FRMD6: variants seen among roughly 807,000 people sequenced by gnomAD.
FRMD6 encodes the protein FERM domain containing 6, also known as FERM domain-containing protein 6.
A neutral mutation model predicts 73.2 loss-of-function variants in FRMD6; 37 were observed. The observed-to-expected ratio is 0.51, with a 90% confidence interval of 0.39 to 0.66. The LOEUF is 0.66. FRMD6 is among the 30% of genes least tolerant of loss of function. FRMD6 has a pLI of 0.00. For missense variants in FRMD6, 714 were observed against 780.5 expected, an observed-to-expected ratio of 0.91 and a Z score of 1.02; for synonymous variants, 273 against 282.2, an observed-to-expected ratio of 0.97 and a Z score of 0.33.
intron 1 of FRMD6, among the ~76,000 whole-genome samples, chr14:51,567,873 T>G (rs10873050): frequency 6.6e-6 from 1 of 152,080 alleles, no homozygotes; most frequent in African/African-American, 2.4e-5. Context: ...CTTTTATAGC[T>G]ATCTCAAAGC....
intron 1 of FRMD6, among the ~76,000 whole-genome samples, chr14:51,540,275 C>T (rs2139365995): frequency 6.6e-6 from 1 of 152,248 alleles, no homozygotes; most frequent in South Asian, 2.1e-4. Flanking sequence ...TCTTGGAATC[C>T]ATGTTCCAGT....
intron 2 of FRMD6, among the ~76,000 whole-genome samples, chr14:51,596,382 TG>T (rs5808622): frequency 0.012 from 1,798 of 152,170 alleles, 16 homozygotes; most frequent in South Asian, 0.036. Context: ...CGTGTAAGCC[TG>T]AGGTTGGGAG....
At chr14:51,688,664 A>G (rs1483154200) in intron 1 of FRMD6, among the ~76,000 whole-genome samples, 2 of 152,212 alleles carry the variant, frequency 1.3e-5, no homozygotes, top group African/African-American at 2.4e-5. Context: ...GAATAATATA[A>G]ATACTAATGG....
chr14:51,581,339 T>C, intron 2 of FRMD6, among the ~76,000 whole-genome samples: 1 of 152,208 alleles, frequency 6.6e-6, no homozygotes, highest in East Asian at 1.9e-4. Flanking sequence ...TCTGGAGCGC[T>C]TGAGGTAGAT....
At chr14:51,437,333 C>G in the FRMD6 span, among the ~76,000 whole-genome samples, 152 of 152,282 alleles carry the variant, frequency 1.0e-3, no homozygotes, top group Middle Eastern at 3.4e-3. Flanking sequence ...GATGGAGTCT[C>G]GCTCTGTCGC....
intron 2 of FRMD6, among the ~76,000 whole-genome samples, chr14:51,572,131 C>T (rs964564436): frequency 6.6e-6 from 1 of 152,254 alleles, no homozygotes; most frequent in Non-Finnish European, 1.5e-5. Context: ...TATGGAAAAG[C>T]ATCATTCATA....
chr14:51,652,790 G>A (rs1308143216), intron 1 of FRMD6, among the ~76,000 whole-genome samples: 1 of 152,244 alleles, frequency 6.6e-6, no homozygotes, highest in East Asian at 1.9e-4. Context: ...GGCACTGTCA[G>A]GTATGGACAG....
chr14:51,482,572 A>C, the FRMD6 span, among the ~76,000 whole-genome samples: 2 of 152,136 alleles, frequency 1.3e-5, no homozygotes, highest in Non-Finnish European at 2.9e-5. Context: ...AAGCCGCAAA[A>C]ATTCTTAAAG....
chr14:51,650,836 G>C (rs1001918112), upstream of FRMD6: 4 of 152,316 alleles, frequency 2.6e-5, no homozygotes, highest in Admixed American at 6.5e-5. Context: ...CAGTGAGGGC[G>C]TTTTTGCCAC....
chr14:51,678,843 T>A, intron 1 of FRMD6, among the ~76,000 whole-genome samples: 1 of 1,152 alleles, frequency 8.7e-4, no homozygotes, highest in South Asian at 0.021. Flanking sequence ...TTGGAGTGGG[T>A]GGGTGGGTGG....
chr14:51,597,359 G>A (rs1278141456), intron 2 of FRMD6, among the ~76,000 whole-genome samples: 1 of 152,208 alleles, frequency 6.6e-6, no homozygotes, highest in African/African-American at 2.4e-5. Flanking sequence ...ATTAGGAGTC[G>A]CTCCCTGGAG....
the FRMD6 span, among the ~76,000 whole-genome samples, chr14:51,468,925 TTTTTGTTTGTTTG>T: frequency 6.6e-6 from 1 of 152,180 alleles, no homozygotes; most frequent in Non-Finnish European, 1.5e-5. Flanking sequence ...ACATTTGGTT[TTTTTGTTTGTTTG>T]TTTTGTTTGT....
intron 2 of FRMD6, among the ~76,000 whole-genome samples, chr14:51,575,035 CA>C (rs1216110194): frequency 1.3e-5 from 2 of 152,084 alleles, no homozygotes; most frequent in Admixed American, 6.6e-5. Context: ...GTGTTGCTCT[CA>C]TGTAAGAGCA....
intron 2 of FRMD6, among the ~76,000 whole-genome samples, chr14:51,605,674 T>C (rs958248995): frequency 2.4e-4 from 36 of 152,188 alleles, no homozygotes; most frequent in African/African-American, 8.2e-4. Flanking sequence ...ATCAAGACTA[T>C]ACAGGATTAG....
the FRMD6 span, among the ~76,000 whole-genome samples, chr14:51,459,696 G>A: frequency 0.43 from 64,413 of 150,722 alleles, 13,909 homozygotes; most frequent in East Asian, 0.57. Flanking sequence ...GCGTGGTGGC[G>A]GGTGCCTGTA....
chr14:51,688,041 A>G (rs1386908256), intron 1 of FRMD6, among the ~76,000 whole-genome samples: 1 of 151,988 alleles, frequency 6.6e-6, no homozygotes, highest in African/African-American at 2.4e-5. Context: ...CATTACAAAC[A>G]CCCAGGTGAT....
At chr14:51,426,490 C>G in the FRMD6 span, among the ~76,000 whole-genome samples, 3 of 152,326 alleles carry the variant, frequency 2.0e-5, no homozygotes, top group East Asian at 3.9e-4. Flanking sequence ...AATATACCCT[C>G]TATTTTCCTA....
At chr14:51,566,274 G>T (rs1045048631) in intron 1 of FRMD6, among the ~76,000 whole-genome samples, 1 of 152,154 alleles carries the variant, frequency 6.6e-6, no homozygotes, top group African/African-American at 2.4e-5. Context: ...TCGAACACAC[G>T]CAGCTTGCAT....
chr14:51,429,104 T>A, the FRMD6 span, among the ~76,000 whole-genome samples: 2 of 152,140 alleles, frequency 1.3e-5, no homozygotes, highest in Non-Finnish European at 2.9e-5. Flanking sequence ...AATTCCCATT[T>A]GTTCCTATCA....
Sources: gnomAD v4.1 joint callset for allele counts (sites outside exome capture counted in the v4.1 genomes callset) on GRCh38, gnomAD v4.1.1 for gene constraint, MANE v1.5 for transcripts, NCBI Gene and HGNC (gene_info 2026-07-23, HGNC 2026-07-21) for gene names.